Variants in CADM2 observed in about 807,000 individuals in gnomAD.
The protein encoded by CADM2 is cell adhesion molecule 2.
CADM2 carries 12 observed loss-of-function variants against 49.8 expected under a neutral mutation model. That is an observed-to-expected ratio of 0.24 (90% CI 0.15 to 0.39). The LOEUF (loss-of-function observed/expected upper bound fraction) is 0.39. Among genes scored for constraint, CADM2 ranks in the 10% least tolerant of loss-of-function variants. CADM2 has a pLI of 1.00. For synonymous variants in CADM2, 214 were observed against 175.4 expected (o/e 1.22, Z -1.74); for missense variants, 378 against 492.3 (o/e 0.77, Z 2.20).
At chr3:85,470,427 A>C (rs193161350) in intron 1 of CADM2, among the ~76,000 whole-genome samples, 1 of 152,168 alleles carries the variant, frequency 6.6e-6, no homozygotes, top group African/African-American at 2.4e-5. Context: ...TTTGTGTTTT[A>C]GTAGAAAAGG....
chr3:86,001,023 C>T (rs1730131871), intron 8 of CADM2, among the ~76,000 whole-genome samples: 1 of 152,080 alleles, frequency 6.6e-6, no homozygotes, highest in Admixed American at 6.6e-5. Context: ...AGGGTTTAGA[C>T]TACAATGTCA....
At chr3:84,982,737 A>ATATATATATATATATG (rs1553663805) in intron 1 of CADM2, among the ~76,000 whole-genome samples, 1 of 115,378 alleles carries the variant, frequency 8.7e-6, no homozygotes. Flanking sequence ...ATATATATAC[A>ATATATATATATATATG]TTTTTTGTTT....
intron 1 of CADM2, among the ~76,000 whole-genome samples, chr3:85,714,701 A>G (rs1443888042): frequency 6.6e-6 from 1 of 151,972 alleles, no homozygotes; most frequent in Non-Finnish European, 1.5e-5. Context: ...AAGTGCTGGG[A>G]TTACACGTGT....
chr3:85,666,443 C>T (rs1035667196), intron 1 of CADM2, among the ~76,000 whole-genome samples: 1 of 151,868 alleles, frequency 6.6e-6, no homozygotes, highest in Non-Finnish European at 1.5e-5. Flanking sequence ...ATCTTTTCCT[C>T]ACTCATCACA....
intron 1 of CADM2, among the ~76,000 whole-genome samples, chr3:85,361,989 A>T (rs1018177604): frequency 3.3e-5 from 5 of 152,224 alleles, no homozygotes; most frequent in Non-Finnish European, 5.9e-5. Context: ...AGTTATTTGC[A>T]AAAGGACCTT....
At chr3:85,716,755 T>C (rs1427393997) in intron 1 of CADM2, among the ~76,000 whole-genome samples, 2 of 152,176 alleles carry the variant, frequency 1.3e-5, no homozygotes, top group Non-Finnish European at 2.9e-5. Context: ...AAATGGGGAA[T>C]CCTTTCCCCA....
chr3:85,383,733 T>C (rs1387462210), intron 1 of CADM2, among the ~76,000 whole-genome samples: 1 of 151,364 alleles, frequency 6.6e-6, no homozygotes, highest in Non-Finnish European at 1.5e-5. Context: ...TTTATGATTT[T>C]AAATTTTATA....
chr3:85,539,983 T>G (rs779502441), intron 1 of CADM2, among the ~76,000 whole-genome samples: 101 of 152,136 alleles, frequency 6.6e-4, no homozygotes, highest in Non-Finnish European at 7.9e-4. Flanking sequence ...GTCTGATTCT[T>G]GGAATAGGTA....
At chr3:85,230,836 A>G (rs1304821821) in intron 1 of CADM2, among the ~76,000 whole-genome samples, 4 of 152,050 alleles carry the variant, frequency 2.6e-5, no homozygotes, top group South Asian at 4.1e-4. Context: ...GAACCTTCTC[A>G]TTACTGACAG....
chr3:85,536,003 G>T (rs1170216694), intron 1 of CADM2, among the ~76,000 whole-genome samples: 2 of 152,016 alleles, frequency 1.3e-5, no homozygotes, highest in Non-Finnish European at 2.9e-5. Context: ...AGTCTTGTTT[G>T]TCCCAGCAAT....
At chr3:85,996,555 G>C (rs1252093220) in intron 8 of CADM2, among the ~76,000 whole-genome samples, 1 of 151,738 alleles carries the variant, frequency 6.6e-6, no homozygotes, top group Non-Finnish European at 1.5e-5. Context: ...ATCAAATTAA[G>C]AAAAACAATA....
At chr3:85,514,433 G>C (rs966166419) in intron 1 of CADM2, among the ~76,000 whole-genome samples, 1 of 152,030 alleles carries the variant, frequency 6.6e-6, no homozygotes, top group Non-Finnish European at 1.5e-5. Flanking sequence ...AGAGAATTCT[G>C]ATCAAGGTTT....
At chr3:85,017,608 T>G (rs1486379405) in intron 1 of CADM2, among the ~76,000 whole-genome samples, 2 of 152,182 alleles carry the variant, frequency 1.3e-5, no homozygotes, top group Admixed American at 6.5e-5. Context: ...CTTGTTTTAT[T>G]TAGACAAAAT....
At position 85,560,700 on chromosome 3, in the gene CADM2, A is replaced by G. The variant is rs979174479; in HGVS notation, c.62-165822A>G. Among the ~76,000 whole-genome samples the G allele has an allele frequency of 2.6e-5, 4 of 152,200 alleles. No homozygotes were observed. The East Asian group carries it at 7.7e-4, about 29-fold the overall frequency. On this transcript the variant is annotated intron_variant, in intron 1 of 9. Coordinates refer to ENST00000383699, the MANE Select transcript of CADM2 (RefSeq NM_001167675.2). ...TCCCTCCTGTTTTGTTCAAAGACTA[A>G]TGTTCTCAACTTTCACTCACCAAAT...
At chr3:85,237,176 A>G (rs928917727) in intron 1 of CADM2, among the ~76,000 whole-genome samples, 2 of 152,052 alleles carry the variant, frequency 1.3e-5, no homozygotes, top group African/African-American at 4.8e-5. Flanking sequence ...GAGTTAAAGC[A>G]TTAACTACTC....
chr3:85,764,613 C>T (rs1220601113), intron 2 of CADM2, among the ~76,000 whole-genome samples: 4 of 152,000 alleles, frequency 2.6e-5, no homozygotes, highest in African/African-American at 9.7e-5. Flanking sequence ...AATATTTTCT[C>T]ATGTAAAATG....
At chr3:85,194,885 A>G (rs183251525) in intron 1 of CADM2, among the ~76,000 whole-genome samples, 1 of 152,052 alleles carries the variant, frequency 6.6e-6, no homozygotes, top group Non-Finnish European at 1.5e-5. Flanking sequence ...AAATCTTGAA[A>G]TAGAAGTAGT....
chr3:85,865,429 G>A (rs2075687693), intron 3 of CADM2, among the ~76,000 whole-genome samples: 1 of 152,102 alleles, frequency 6.6e-6, no homozygotes, highest in African/African-American at 2.4e-5. Context: ...TGCAAAGAAA[G>A]CATGGAGCAA....
intron 2 of CADM2, among the ~76,000 whole-genome samples, chr3:85,748,351 T>A (rs2068702942): frequency 6.6e-6 from 1 of 151,642 alleles, no homozygotes; most frequent in Non-Finnish European, 1.5e-5. Context: ...AAAAAAAAAA[T>A]AAGCAGACAG....
Sources: allele counts gnomAD v4.1 joint callset (sites outside exome capture counted in the v4.1 genomes callset), GRCh38; gene constraint gnomAD v4.1.1; transcripts MANE v1.5; gene names NCBI Gene and HGNC (gene_info 2026-07-23, HGNC 2026-07-21).